EIF4G2: variants seen among roughly 807,000 people sequenced by gnomAD.
EIF4G2 encodes the protein DAP-5.
EIF4G2 carries 8 observed loss-of-function variants against 117.7 expected under a neutral mutation model. That is an observed-to-expected ratio of 0.07 (90% CI 0.04 to 0.12). The LOEUF is 0.12. EIF4G2 is among the 10% of genes least tolerant of loss of function. The pLI is 1.00. For missense variants in EIF4G2, 812 were observed against 1,086.2 expected (o/e 0.75, Z 3.55); for synonymous variants, 413 against 367.8 (o/e 1.12, Z -1.41).
At position 10,800,303 on chromosome 11, in the gene EIF4G2, T is replaced by C. The variant is rs769218825; in HGVS notation, c.1906A>G (p.Ile636Val). ...GCTAAATAGGATTTCACCAAAGGGA[T>C]GTCAACCTCCAGTTTGGGACACTGG... Residue 636 changes from isoleucine (I) to valine (V), a missense_variant, in exon 18 of 22, where the codon ATC (isoleucine) becomes GTC (valine). Around this residue, in one of 4 missense-constraint regions of EIF4G2, gnomAD observed 571 missense variants for 642.3 expected, o/e 0.89. Transcript: ENST00000339995. 2 of 1,614,198 alleles carry C rather than the reference T, an allele frequency of 1.2e-6. No homozygotes were observed. Among genetic ancestry groups the C allele is most frequent in the Non-Finnish European group, 1.7e-6 (2 of 1,180,014 alleles).
In EIF4G2 at chr11:10,799,614, A is replaced by T. The variant is rs762977004; in HGVS notation, c.2262T>A (p.Ile754=). Residue 754 remains isoleucine (I), a synonymous_variant, in exon 19 of 22, where the codon ATT becomes ATA. Coordinates refer to ENST00000339995, the MANE Select transcript of EIF4G2 (RefSeq NM_001418.4). ...GAAGTTTGGGAGAGATGTTATCTTT[A>T]ATCCATTTATATATGGTTTGAGGGG... The T allele has an allele frequency of 5.0e-6, 8 of 1,614,166 alleles. No individual in the cohort carries two copies. In the South Asian group the frequency reaches 7.7e-5, roughly 16 times the overall value.
rs372103835 is a variant in EIF4G2, at chr11:10,800,595, T to C, written c.1697A>G (p.Asn566Ser). 1.3e-4 allele frequency: 210 copies of C among 1,614,194 alleles called. No homozygotes were observed. The highest frequency in any genetic ancestry group is 1.5e-4 in the Non-Finnish European group (180 of 1,180,030). ...AGGAGCCCTCATTTCTCTTACACCA[T>C]TGACAGCCTCATTTGCATTTCCACT... Residue 566 changes from asparagine (N) to serine (S), a missense_variant, in exon 17 of 22, where the codon AAT becomes AGT. Asn to Ser is a conservative substitution (Grantham distance 46, BLOSUM62 1). Transcript: ENST00000339995.
In EIF4G2 at chr11:10,802,327, C is replaced by T; in HGVS notation, c.1105G>A (p.Gly369Arg). 1.2e-6 allele frequency: 2 copies of T among 1,613,738 alleles called. No individual in the cohort carries two copies. Among genetic ancestry groups the T allele is most frequent in the Non-Finnish European group, 1.7e-6 (2 of 1,179,906 alleles). ...TGTCCAAACATATCAGCAAGTCCTC[C>T]AAGTGGGTCCCTATCCATTTTCATC... Residue 369 changes from glycine (G) to arginine (R), a missense_variant, in exon 12 of 22, where the codon GGA becomes AGA. Around this residue, in one of 4 missense-constraint regions of EIF4G2, gnomAD observed 571 missense variants for 642.3 expected, o/e 0.89. Transcript: ENST00000339995.
At chr11:10,802,736 G>A (rs527658665) in intron 11 of EIF4G2, among the ~76,000 whole-genome samples, 18 of 152,082 alleles carry the variant, frequency 1.2e-4, no homozygotes, top group Non-Finnish European at 2.5e-4. Flanking sequence ...GTGTGGTGGC[G>A]CACGCCTATA....
intron 2 of EIF4G2, 58 bp from the exon 3 acceptor site, chr11:10,806,943 T>TA (rs11373962): frequency 0.93 from 1,474,825 of 1,585,986 alleles, 686,361 homozygotes; most frequent in East Asian, 0.98. Context: ...TCAAAAAGAA[T>TA]AAGCATCTAT....
Position 10,802,207 on chromosome 11 carries a change from T to G in EIF4G2, c.1141A>C (p.Ser381Arg). The G allele has an allele frequency of 6.2e-7, 1 of 1,613,902 alleles. No individual in the cohort carries two copies. Among genetic ancestry groups the G allele is most frequent in the Non-Finnish European group, 8.5e-7 (1 of 1,179,904 alleles). Residue 381 changes from serine to arginine, a missense_variant and splice_region_variant, in exon 13 of 22, where the codon AGC (serine) becomes CGC (arginine). Ser to Arg is a moderately radical substitution (Grantham distance 110). Transcript: ENST00000339995. ...ACTCCTGGACCAGTACCAATTCCGC[T>G]ACCTTAAAATACATATACGGACAAC...
rs771125410 is a variant in EIF4G2, at chr11:10,807,363, G to A, written c.-68C>T. On this transcript the variant is annotated 5_prime_UTR_variant, in exon 2 of 22. Coordinates refer to ENST00000339995, the MANE Select transcript of EIF4G2 (RefSeq NM_001418.4). ...AATAGATGGGGTGGGGAGGGGAGGG[G>A]ACAGGAGAAATGAAATACCTGGAAC... 26 of 1,606,568 alleles carry A rather than the reference G, an allele frequency of 1.6e-5. No homozygotes were observed. In the South Asian group the frequency reaches 2.6e-4, roughly 16 times the overall value.
intron 18 of EIF4G2, 27 bp from the exon 19 acceptor site, chr11:10,799,783 T>C (rs1463649135): frequency 1.9e-6 from 3 of 1,599,978 alleles, no homozygotes; most frequent in African/African-American, 1.3e-5. Context: ...ACCTGCATCA[T>C]CTAATAGTTC....
intron 3 of EIF4G2, 69 bp downstream of exon 3, chr11:10,806,751 T>C: frequency 6.4e-7 from 1 of 1,556,172 alleles, no homozygotes; most frequent in Non-Finnish European, 8.9e-7. Flanking sequence ...GCCTTAATTA[T>C]ACCGTCACAT....
chr11:10,802,439 T>C lies in EIF4G2; in HGVS notation c.997-4A>G, dbSNP rs773553886. The C allele has an allele frequency of 6.4e-6, 10 of 1,567,586 alleles. No individual in the cohort carries two copies. In the African/African-American group the frequency reaches 6.9e-5, roughly 11 times the overall value. On this transcript the variant is annotated splice_polypyrimidine_tract_variant and splice_region_variant and intron_variant, in intron 11 of 21. Coordinates refer to ENST00000339995, the MANE Select transcript of EIF4G2 (RefSeq NM_001418.4). ...CAGGAATAAACACCCCTAGATCCTT[T>C]AGAAATGAAGTGAATATGCACTTTT...
At chr11:10,806,214 C>T in intron 3 of EIF4G2, 167 bp from the exon 4 acceptor site, 1 of 893,016 alleles carries the variant, frequency 1.1e-6, no homozygotes, top group Non-Finnish European at 1.7e-6. Context: ...TCAGAATCAC[C>T]TGAAGGGCTT....
At position 10,800,658 on chromosome 11, in the gene EIF4G2, C is replaced by T. The variant is rs747641608; in HGVS notation, c.1645-11G>A. On this transcript the variant is annotated splice_polypyrimidine_tract_variant and intron_variant, in intron 16 of 21. Transcript: ENST00000339995. ...AGTCACAACAGTTTCCTGTGAAGAACACAAGTATCTTTAATGTATTCTCTA... is the reference window on the plus strand; with the variant it reads ...AGTCACAACAGTTTCCTGTGAAGAATACAAGTATCTTTAATGTATTCTCTA... 2.4e-5 allele frequency: 38 copies of T among 1,613,936 alleles called. No homozygotes were observed. Among genetic ancestry groups the T allele is most frequent in the Non-Finnish European group, 1.1e-5 (13 of 1,179,970 alleles).
chr11:10,799,108 A>G lies in EIF4G2; in HGVS notation c.2542T>C (p.Leu848=), dbSNP rs1354605058. 2.0e-5 allele frequency: 31 copies of G among 1,547,266 alleles called. No individual in the cohort carries two copies. The highest frequency in any genetic ancestry group is 2.6e-5 in the Non-Finnish European group (30 of 1,159,174). The stretch of plus-strand genomic sequence containing the variant: ...TAGAAGTGCACAAAAAAGCGAAGTA[A>G]CATGCCTTAAAAAAAAAAAAAAAAA... The change falls in exon 21 of 22, where the codon TTA becomes CTA. Residue 848 remains leucine (L), a synonymous_variant. Coordinates refer to ENST00000339995, the MANE Select transcript of EIF4G2 (RefSeq NM_001418.4).
rs762004073 is a variant in EIF4G2 at position 10,799,395 on chromosome 11, T to G, written c.2354A>C (p.Asn785Thr). Reference sequence around the variant, plus strand: ...TGAATCTGTTTCATCGCTGGGGGGGTTTACTTCACTAGAAATGTACTGTAA... The same window carrying G: ...TGAATCTGTTTCATCGCTGGGGGGGGTTACTTCACTAGAAATGTACTGTAA... The change falls in exon 20 of 22, where the codon AAC (asparagine) becomes ACC (threonine). Residue 785 changes from asparagine (N) to threonine (T), a missense_variant. By Grantham distance (65) the Asn-to-Thr change is moderately conservative. This residue lies in a region of EIF4G2 where 571 missense variants were observed against 642.3 expected (regional missense o/e 0.89). Transcript: ENST00000339995. 6.2e-6 allele frequency: 10 copies of G among 1,611,464 alleles called. No individual in the cohort carries two copies. Among genetic ancestry groups the G allele is most frequent in the Middle Eastern group, 1.6e-4 (1 of 6,062 alleles).
rs528884038 is a variant in EIF4G2, at chr11:10,802,091, T to C, written c.1257A>G (p.Gln419=). 34 of 1,056,964 alleles carry C rather than the reference T, an allele frequency of 3.2e-5. No individual in the cohort carries two copies. In the South Asian group the frequency reaches 4.6e-4, roughly 14 times the overall value. The allele number at this position is 1,056,964 out of a possible 1,614,324, so 65.5% of individuals were successfully genotyped here. A position where few individuals can be genotyped will look rare whatever the true frequency, so the allele number is the denominator to read the frequency against. Residue 419 remains glutamine, a synonymous_variant, in exon 13 of 22, where the codon CAA becomes CAG. Transcript: ENST00000339995. ...TGCCTCCCATCTCTCCAAACTGCGA[T>C]TGTGTGGGAGGCATGATGTGTCCCC...
Position 10,801,107 on chromosome 11 carries a change from A to T in EIF4G2, c.1414-20T>A, listed in dbSNP as rs377419984. 6.2e-7 allele frequency: 1 copy of T among 1,613,468 alleles called. No individual in the cohort carries two copies. The highest frequency in any genetic ancestry group is 8.5e-7 in the Non-Finnish European group (1 of 1,179,800). ...GCTAATCTGGAATTGAAAACAAAAT[A>T]TATCTAAATTAACAACATGCAGTTG... On this transcript the variant is annotated intron_variant, in intron 14 of 21. Coordinates refer to ENST00000339995, the MANE Select transcript of EIF4G2 (RefSeq NM_001418.4).
In EIF4G2 at chr11:10,800,074, G is replaced by A. The variant is rs776023527; in HGVS notation, c.2119+16C>T. On this transcript the variant is annotated intron_variant, in intron 18 of 21. Coordinates refer to ENST00000339995, the MANE Select transcript of EIF4G2 (RefSeq NM_001418.4). Reference sequence around the variant, plus strand: ...AATATTAAAAAAACAAAACAAACAAGTCAGCATTCTCTTACCTGGGAGCAT... The same window carrying A: ...AATATTAAAAAAACAAAACAAACAAATCAGCATTCTCTTACCTGGGAGCAT... 1.9e-6 allele frequency: 3 copies of A among 1,608,386 alleles called. No individual in the cohort carries two copies. Among genetic ancestry groups the A allele is most frequent in the Non-Finnish European group, 2.5e-6 (3 of 1,177,862 alleles).
rs764447368 is a variant in EIF4G2, at chr11:10,806,969, G to A, written c.42-84C>T. 3.9e-6 allele frequency: 6 copies of A among 1,519,892 alleles called. No individual in the cohort carries two copies. The Admixed American group carries it at 1.0e-4, about 26-fold the overall frequency. 94.2% of individuals were successfully genotyped at this position (1,519,892 alleles called of 1,614,324 possible). On this transcript the variant is annotated intron_variant, in intron 2 of 21. Coordinates refer to ENST00000339995, the MANE Select transcript of EIF4G2 (RefSeq NM_001418.4). ...AAGCATCTATTTTGTGTTTTGCTTTGCTTGTAGAGATGGGGGTCTCGCTAT... is the reference window on the plus strand; with the variant it reads ...AAGCATCTATTTTGTGTTTTGCTTTACTTGTAGAGATGGGGGTCTCGCTAT...
chr11:10,807,929 C>A, intron 1 of EIF4G2: 3 of 1,013,976 alleles, frequency 3.0e-6, no homozygotes, highest in Non-Finnish European at 3.5e-6. Flanking sequence ...GAACCTCCGC[C>A]CCGTTTTTCC....
Sources: gnomAD v4.1 joint callset for allele counts (sites outside exome capture counted in the v4.1 genomes callset) on GRCh38, gnomAD v4.1.1 for gene constraint, gnomAD v4.1.1 regional missense constraint, MANE v1.5 for transcripts, NCBI Gene and HGNC (gene_info 2026-07-23, HGNC 2026-07-21) for gene names.